PCDHGB3: variants seen among roughly 807,000 people sequenced by gnomAD.
The protein encoded by PCDHGB3 is protocadherin gamma subfamily B, 3, also known as protocadherin gamma-B3.
Under a neutral mutation model 59.2 loss-of-function variants are expected in PCDHGB3, and 40 were observed. The observed-to-expected ratio is 0.68, with a 90% CI of 0.52 to 0.88. PCDHGB3 has a LOEUF of 0.88. PCDHGB3 is among the 40% of genes least tolerant of loss of function. The pLI, the probability that PCDHGB3 is intolerant of heterozygous loss-of-function variation, is 0.00. For synonymous variants in PCDHGB3, 581 were observed against 503.6 expected (o/e 1.15, Z -2.06); for missense variants, 1,309 against 1,187.9 (o/e 1.10, Z -1.50).
intron 1 of PCDHGB3, chr5:141,423,382 C>A (rs1244632347): frequency 6.2e-7 from 1 of 1,614,118 alleles, no homozygotes; most frequent in Admixed American, 1.7e-5. Context: ...CAGGCTGTGG[C>A]GCTGGCATAA....
chr5:141,419,584 C>G, intron 1 of PCDHGB3: 1 of 1,611,800 alleles, frequency 6.2e-7, no homozygotes. Context: ...CCGCGCTCTT[C>G]GACACAGTGC....
At position 141,431,337 on chromosome 5, in the gene PCDHGB3, A is replaced by C. The variant is rs1412811147; in HGVS notation, c.2415+58528A>C. On this transcript the variant is annotated intron_variant, in intron 1 of 3. Coordinates refer to ENST00000576222, the MANE Select transcript of PCDHGB3 (RefSeq NM_018924.5). The surrounding 1 kb of genome is among the most constrained non-coding windows in gnomAD (Gnocchi z 4.8). ...GGAGCCGACGGTAGTAAGTACCCCG[A>C]ATTGGTGCTGAAACGCGCCCTGGAC... 6.2e-7 allele frequency: 1 copy of C among 1,613,926 alleles called. No homozygotes were observed. The highest frequency in any genetic ancestry group is 1.7e-5 in the Admixed American group (1 of 60,006).
rs11575954 is a variant in PCDHGB3 at position 141,376,006 on chromosome 5, C to A, written c.2415+3197C>A. 8.7e-3 allele frequency: 14,039 copies of A among 1,613,452 alleles called. 99 individuals carry two copies. Among genetic ancestry groups the A allele is most frequent in the Middle Eastern group, 0.011 (63 of 5,814 alleles). ...TGGACAGAGACGCGCTCAAGCAGAGCCTAGTGGTGGCCGTCCAGGACCACG... is the reference window on the plus strand; with the variant it reads ...TGGACAGAGACGCGCTCAAGCAGAGACTAGTGGTGGCCGTCCAGGACCACG... On this transcript the variant is annotated intron_variant, in intron 1 of 3. Transcript: ENST00000576222.
chr5:141,502,475 A>G (rs1246548191), intron 2 of PCDHGB3, among the ~76,000 whole-genome samples: 1 of 150,884 alleles, frequency 6.6e-6, no homozygotes, highest in Non-Finnish European at 1.5e-5. Context: ...TTCCCGCAGC[A>G]TCACACTGGG....
At chr5:141,375,107 G>A in intron 1 of PCDHGB3, 1 of 1,613,962 alleles carries the variant, frequency 6.2e-7, no homozygotes, top group South Asian at 1.1e-5. Flanking sequence ...GGATGTCAAT[G>A]ATAATGTACC....
At chr5:141,399,760 C>T in intron 1 of PCDHGB3, 3 of 1,613,342 alleles carry the variant, frequency 1.9e-6, no homozygotes, top group Non-Finnish European at 2.5e-6. Flanking sequence ...CGTGAGCCTG[C>T]GCGTGTTGGT....
At chr5:141,374,560 C>A (rs185125730) in intron 1 of PCDHGB3, 12 of 1,613,708 alleles carry the variant, frequency 7.4e-6, no homozygotes, top group African/African-American at 1.3e-5. Context: ...AGGTCTATGA[C>A]CCTGATGTGG....
chr5:141,422,513 G>T, intron 1 of PCDHGB3: 2 of 1,614,000 alleles, frequency 1.2e-6, no homozygotes, highest in Non-Finnish European at 1.7e-6. Context: ...ACAGACCAGG[G>T]AAGCCCGCCT....
At position 141,490,807 on chromosome 5, in the gene PCDHGB3, G is replaced by T. The variant is rs1315856354; in HGVS notation, c.2416-4000G>T. Reference sequence around the variant, plus strand: ...ACGGATCTTTGCCCAGCGTACCTTTGACTATGAATTGCTGCAGATGCTGCA... The same window carrying T: ...ACGGATCTTTGCCCAGCGTACCTTTTACTATGAATTGCTGCAGATGCTGCA... On this transcript the variant is annotated intron_variant, in intron 1 of 3. Transcript: ENST00000576222. This position sits in a 1 kb window ranked among gnomAD's most constrained non-coding sequence, Gnocchi z 5.4. 6.2e-7 allele frequency: 1 copy of T among 1,613,924 alleles called. No individual in the cohort carries two copies. The highest frequency in any genetic ancestry group is 8.5e-7 in the Non-Finnish European group (1 of 1,179,870).
chr5:141,477,890 C>A lies in PCDHGB3; in HGVS notation c.2416-16917C>A, dbSNP rs202114426. On this transcript the variant is annotated intron_variant, in intron 1 of 3. Transcript: ENST00000576222. This position sits in a 1 kb window ranked among gnomAD's most constrained non-coding sequence, Gnocchi z 4.9. ...TACCTCAGCTGGCCACCTAGTGTCA[C>A]GGGTGGTAGGCTGGGACGCGGATGC... is the stretch of plus-strand genomic sequence containing the variant. 3.1e-6 allele frequency: 5 copies of A among 1,614,204 alleles called. 1 individual carries two copies. In the Admixed American group the frequency reaches 8.3e-5, roughly 27 times the overall value.
At chr5:141,422,181 G>A in intron 1 of PCDHGB3, 3 of 1,561,316 alleles carry the variant, frequency 1.9e-6, no homozygotes, top group Non-Finnish European at 2.6e-6. Flanking sequence ...TCTATGAGAT[G>A]GAAATTCAAG....
rs373297942 is a variant in PCDHGB3 at position 141,431,494 on chromosome 5, C to G, written c.2415+58685C>G. ...ACAACGCACCAGCGTTTGCTCAGCCCGAGTACCGCGCGAGCGTTCCGGAGA... is the reference window on the plus strand; with the variant it reads ...ACAACGCACCAGCGTTTGCTCAGCCGGAGTACCGCGCGAGCGTTCCGGAGA... On this transcript the variant is annotated intron_variant, in intron 1 of 3. Transcript: ENST00000576222. This position sits in a 1 kb window ranked among gnomAD's most constrained non-coding sequence, Gnocchi z 4.8. 16 of 1,613,838 alleles carry G rather than the reference C, an allele frequency of 9.9e-6. No individual in the cohort carries two copies. The highest frequency in any genetic ancestry group is 1.4e-5 in the Non-Finnish European group (16 of 1,180,030).
chr5:141,417,658 G>C, intron 1 of PCDHGB3: 2 of 869,072 alleles, frequency 2.3e-6, no homozygotes, highest in Non-Finnish European at 1.7e-6. Context: ...TCTAGCCTGG[G>C]ATTCCCTGCG....
Position 141,511,390 on chromosome 5 carries a change from C to T in PCDHGB3, c.*217C>T, listed in dbSNP as rs2099883760. 1.8e-6 allele frequency: 2 copies of T among 1,101,460 alleles called. No individual in the cohort carries two copies. Among genetic ancestry groups the T allele is most frequent in the Admixed American group, 2.9e-5 (1 of 34,440 alleles). The allele number at this position is 1,101,460 out of a possible 1,614,324, so 68.2% of individuals were successfully genotyped here. A position where few individuals can be genotyped will look rare whatever the true frequency, so the allele number is the denominator to read the frequency against. On this transcript the variant is annotated 3_prime_UTR_variant, in exon 4 of 4. Transcript: ENST00000576222. ...ATGCAAAAGCAGTTCCGCTGGGAAC[C>T]CCCATCCAATCAACTGCTGTACCCA... is the stretch of plus-strand genomic sequence containing the variant.
chr5:141,414,475 C>T (rs2095752413), intron 1 of PCDHGB3: 1 of 1,613,804 alleles, frequency 6.2e-7, no homozygotes, highest in Non-Finnish European at 8.5e-7. Flanking sequence ...TGGGGGAAGT[C>T]CTCCTCTATC....
intron 1 of PCDHGB3, among the ~76,000 whole-genome samples, chr5:141,373,439 C>T (rs9324846): frequency 0.027 from 4,173 of 152,294 alleles, 185 homozygotes; most frequent in African/African-American, 0.096. Context: ...GGGAGGATCC[C>T]TTGATCCCAG....
In PCDHGB3 at chr5:141,485,433, A is replaced by G. The variant is rs2099613324; in HGVS notation, c.2416-9374A>G. On this transcript the variant is annotated intron_variant, in intron 1 of 3. Transcript: ENST00000576222. The surrounding 1 kb of genome is among the most constrained non-coding windows in gnomAD (Gnocchi z 5.7). The stretch of plus-strand genomic sequence containing the variant: ...TTGGACAGCGGAGCCCTGCTCATCA[A>G]GAACCCAATCGACCGAGAGGCACTG... 6 of 1,614,208 alleles carry G rather than the reference A, an allele frequency of 3.7e-6. No homozygotes were observed. Among genetic ancestry groups the G allele is most frequent in the Non-Finnish European group, 5.1e-6 (6 of 1,180,030 alleles).
chr5:141,437,800 C>G (rs963856257), intron 1 of PCDHGB3, among the ~76,000 whole-genome samples: 1 of 150,744 alleles, frequency 6.6e-6, no homozygotes, highest in African/African-American at 2.4e-5. Flanking sequence ...TGCAGTGGCA[C>G]TATCTTGGCT....
At chr5:141,380,405 G>A (rs1258156706) in intron 1 of PCDHGB3, among the ~76,000 whole-genome samples, 2 of 152,114 alleles carry the variant, frequency 1.3e-5, no homozygotes, top group African/African-American at 4.8e-5. Flanking sequence ...TAATCAATTC[G>A]ATGCCCAGGA....
Sources: allele counts gnomAD v4.1 joint callset (sites outside exome capture counted in the v4.1 genomes callset), GRCh38; gene constraint gnomAD v4.1.1; non-coding constraint Gnocchi (gnomAD v3.1); transcripts MANE v1.5; gene names NCBI Gene and HGNC (gene_info 2026-07-23, HGNC 2026-07-21).